Variants in GPATCH2L observed in about 807,000 individuals in gnomAD.
GPATCH2L encodes the protein G patch domain-containing protein 2-like.
A neutral mutation model predicts 57.4 loss-of-function variants in GPATCH2L; 31 were observed. That is an observed-to-expected ratio of 0.54 (90% CI 0.41 to 0.73). The LOEUF (loss-of-function observed/expected upper bound fraction) is 0.73. Ranked by LOEUF, GPATCH2L falls within the 30% of genes least tolerant of loss-of-function variation. The pLI is 0.00. For missense variants in GPATCH2L, 481 were observed against 599.9 expected, an observed-to-expected ratio of 0.80 and a Z score of 2.07; for synonymous variants, 199 against 210.7, an observed-to-expected ratio of 0.94 and a Z score of 0.48.
chr14:76,163,801 T>C (rs1278684457), intron 2 of GPATCH2L, among the ~76,000 whole-genome samples: 1 of 152,214 alleles, frequency 6.6e-6, no homozygotes, highest in Non-Finnish European at 1.5e-5. Context: ...CAAGGCCATA[T>C]AAGGGCAGGC....
intron 2 of GPATCH2L, among the ~76,000 whole-genome samples, chr14:76,165,684 G>T (rs2038801536): frequency 6.6e-6 from 1 of 152,030 alleles, no homozygotes; most frequent in African/African-American, 2.4e-5. Flanking sequence ...GGAAAGCATT[G>T]CTCCTTAATT....
At chr14:76,174,958 A>C (rs1031069863) in intron 5 of GPATCH2L, 3 of 152,208 alleles carry the variant, frequency 2.0e-5, no homozygotes, top group African/African-American at 7.2e-5. Flanking sequence ...TTGAATTAGA[A>C]GACATTTGAT....
intron 9 of GPATCH2L, among the ~76,000 whole-genome samples, chr14:76,199,260 G>GT (rs996686696): frequency 6.6e-6 from 1 of 151,614 alleles, no homozygotes; most frequent in Non-Finnish European, 1.5e-5. Flanking sequence ...TATTCTGATT[G>GT]TTTTTTATCG....
intron 6 of GPATCH2L, among the ~76,000 whole-genome samples, chr14:76,177,734 A>G (rs930254043): frequency 1.4e-5 from 2 of 144,714 alleles, no homozygotes; most frequent in Non-Finnish European, 3.0e-5. Flanking sequence ...ACATTCACAT[A>G]CATTTAATCT....
chr14:76,235,059 T>A (rs1432861236), intron 2 of GPATCH2L: 3 of 151,586 alleles, frequency 2.0e-5, no homozygotes, highest in East Asian at 1.9e-4. Context: ...TCCCAGCTAC[T>A]TGGGAGGCTG....
At chr14:76,200,613 A>T (rs2040286158) in intron 9 of GPATCH2L, among the ~76,000 whole-genome samples, 1 of 152,156 alleles carries the variant, frequency 6.6e-6, no homozygotes, top group Non-Finnish European at 1.5e-5. Flanking sequence ...AGCTTTCAAG[A>T]TATTTTTACA....
intron 2 of GPATCH2L, among the ~76,000 whole-genome samples, chr14:76,164,614 TA>T (rs1310057113): frequency 6.6e-6 from 1 of 151,742 alleles, no homozygotes; most frequent in Admixed American, 6.6e-5. Flanking sequence ...TATACAAATA[TA>T]AAAAAAAGAA....
downstream of GPATCH2L, among the ~76,000 whole-genome samples, chr14:76,216,314 T>G (rs201638067): frequency 1.9e-4 from 29 of 152,254 alleles, no homozygotes; most frequent in East Asian, 5.4e-3. Flanking sequence ...ATGCTACTTG[T>G]ATGTTGCAAA....
At chr14:76,230,485 C>T (rs1177350899) in intron 2 of GPATCH2L, 1 of 152,138 alleles carries the variant, frequency 6.6e-6, no homozygotes, top group African/African-American at 2.4e-5. Flanking sequence ...ATCCATCCCA[C>T]TGATCATACC....
Position 76,211,516 on chromosome 14 carries a change from A to G in GPATCH2L, c.*9665A>G, listed in dbSNP as rs1202397907. 3 of 152,240 alleles carry G rather than the reference A, an allele frequency of 2.0e-5. No homozygotes were observed. The highest frequency in any genetic ancestry group is 4.4e-5 in the Non-Finnish European group (3 of 68,044). The allele number at this position is 152,240 out of a possible 1,614,324, so 9.4% of individuals were successfully genotyped here. On this transcript the variant is annotated 3_prime_UTR_variant, in exon 10 of 10. Coordinates refer to ENST00000261530, the MANE Select transcript of GPATCH2L (RefSeq NM_017926.4). ...GACTGATTCCATTACATGTTCTAGC[A>G]TGATACCAGTCTGAGGTTATTCCCC...
chr14:76,228,467 G>A (rs1380234178), intron 1 of GPATCH2L, among the ~76,000 whole-genome samples: 1 of 152,132 alleles, frequency 6.6e-6, no homozygotes, highest in South Asian at 2.1e-4. Flanking sequence ...TGTGCCAGGG[G>A]GCAGGCAGTT....
intron 9 of GPATCH2L, among the ~76,000 whole-genome samples, chr14:76,197,726 G>A (rs892048012): frequency 4.6e-5 from 7 of 152,058 alleles, no homozygotes; most frequent in Non-Finnish European, 1.0e-4. Flanking sequence ...ACACATCAGG[G>A]GCCAGCTCCT....
At chr14:76,164,276 T>C (rs2038730659) in intron 2 of GPATCH2L, among the ~76,000 whole-genome samples, 1 of 152,220 alleles carries the variant, frequency 6.6e-6, no homozygotes, top group African/African-American at 2.4e-5. Context: ...ACTTAGGCAC[T>C]ACTGGCATTT....
chr14:76,155,360 C>T (rs954464983), intron 2 of GPATCH2L, among the ~76,000 whole-genome samples: 1 of 152,192 alleles, frequency 6.6e-6, no homozygotes, highest in Non-Finnish European at 1.5e-5. Flanking sequence ...GTTTAGAACT[C>T]AGGTCTCAGC....
intron 1 of GPATCH2L, among the ~76,000 whole-genome samples, chr14:76,220,647 A>G (rs926544166): frequency 6.6e-6 from 1 of 152,152 alleles, no homozygotes; most frequent in Non-Finnish European, 1.5e-5. Flanking sequence ...TATTCTTTCC[A>G]AGCACCCATT....
chr14:76,173,558 G>T lies in GPATCH2L; in HGVS notation c.917G>T (p.Arg306Leu). The change falls in exon 5 of 10, where the codon CGC (arginine) becomes CTC (leucine). Residue 306 changes from arginine (R) to leucine (L), a missense_variant. This residue lies in a region of GPATCH2L where 248 missense variants were observed against 270.5 expected (regional missense o/e 0.92). Coordinates refer to ENST00000261530, the MANE Select transcript of GPATCH2L (RefSeq NM_017926.4). ...CTTCTTTTTTTAGGGTACCATACTC[G>T]CTTGAATCGTCTACCTGGAGCTGCA... ...SRPAQRGYHT[R>L]LNRLPGAAAR... 1 of 1,611,506 alleles carries T rather than the reference G, an allele frequency of 6.2e-7. No individual in the cohort carries two copies. Among genetic ancestry groups the T allele is most frequent in the Non-Finnish European group, 8.5e-7 (1 of 1,178,268 alleles).
At chr14:76,192,014 T>TA (rs1265494816) in intron 8 of GPATCH2L, among the ~76,000 whole-genome samples, 4 of 152,122 alleles carry the variant, frequency 2.6e-5, no homozygotes, top group Non-Finnish European at 5.9e-5. Flanking sequence ...AGCTTCCACT[T>TA]ATGAGTGAGA....
At chr14:76,158,274 A>C (rs1006420639) in intron 2 of GPATCH2L, among the ~76,000 whole-genome samples, 4 of 152,120 alleles carry the variant, frequency 2.6e-5, no homozygotes, top group Admixed American at 2.6e-4. Flanking sequence ...TAGAGTGCTA[A>C]ACCTACCCAC....
chr14:76,222,326 G>C (rs1393467219), intron 1 of GPATCH2L, among the ~76,000 whole-genome samples: 2 of 152,224 alleles, frequency 1.3e-5, no homozygotes, highest in East Asian at 1.9e-4. Context: ...TAAATAGAAG[G>C]CTGGGCATGG....
Sources: allele counts gnomAD v4.1 joint callset (sites outside exome capture counted in the v4.1 genomes callset), GRCh38; gene constraint gnomAD v4.1.1; regional missense constraint gnomAD v4.1.1; transcripts MANE v1.5; gene names NCBI Gene and HGNC (gene_info 2026-07-23, HGNC 2026-07-21).